The following ARB2A variants were observed in gnomAD, a reference collection of about 807,000 sequenced individuals.
ARB2A encodes the protein cotranscriptional regulator ARB2A.
At chr5:94,070,799 G>A in the ARB2A span, among the ~76,000 whole-genome samples, 2 of 152,034 alleles carry the variant, frequency 1.3e-5, no homozygotes, top group Admixed American at 1.3e-4. Flanking sequence ...TGTATATATG[G>A]CATATAATTC....
chr5:93,920,906 T>A, the ARB2A span, among the ~76,000 whole-genome samples: 5 of 152,074 alleles, frequency 3.3e-5, no homozygotes, highest in Non-Finnish European at 7.4e-5. Flanking sequence ...AAATTGCATA[T>A]CCCAGTAAAA....
chr5:93,903,008 A>AG, the ARB2A span, among the ~76,000 whole-genome samples: 1 of 152,070 alleles, frequency 6.6e-6, no homozygotes, highest in African/African-American at 2.4e-5. Context: ...GCCATTTAGT[A>AG]GGGGTGAATT....
At chr5:93,926,927 G>A in the ARB2A span, among the ~76,000 whole-genome samples, 4 of 151,794 alleles carry the variant, frequency 2.6e-5, no homozygotes, top group Admixed American at 1.3e-4. Context: ...TGAATAGGAT[G>A]TAAGCAAAGA....
At chr5:93,751,541 C>A in the ARB2A span, among the ~76,000 whole-genome samples, 1 of 151,922 alleles carries the variant, frequency 6.6e-6, no homozygotes. Flanking sequence ...TTTTAAGAAA[C>A]ACGAAAAAGT....
chr5:93,803,996 A>G, the ARB2A span, among the ~76,000 whole-genome samples: 1 of 151,992 alleles, frequency 6.6e-6, no homozygotes, highest in African/African-American at 2.4e-5. Flanking sequence ...AAGAAATGGA[A>G]AAGGTTTGTA....
the ARB2A span, among the ~76,000 whole-genome samples, chr5:93,939,669 G>A: frequency 6.6e-6 from 1 of 151,902 alleles, no homozygotes; most frequent in Non-Finnish European, 1.5e-5. Flanking sequence ...CTGTATTACT[G>A]CAGAAATAAA....
At chr5:93,779,704 T>C in the ARB2A span, among the ~76,000 whole-genome samples, 25 of 152,316 alleles carry the variant, frequency 1.6e-4, no homozygotes, top group Admixed American at 5.2e-4. Flanking sequence ...ATGACTAATG[T>C]TTCTCTGGGT....
the ARB2A span, among the ~76,000 whole-genome samples, chr5:93,988,400 A>G: frequency 2.6e-5 from 4 of 152,218 alleles, no homozygotes; most frequent in South Asian, 4.1e-4. Flanking sequence ...GCTTTCTTTT[A>G]TATTCTCAGA....
the ARB2A span, among the ~76,000 whole-genome samples, chr5:94,062,403 A>G: frequency 6.6e-6 from 1 of 152,180 alleles, no homozygotes; most frequent in Non-Finnish European, 1.5e-5. Flanking sequence ...AATTTAATAG[A>G]AAAGTGACAA....
chr5:94,041,582 T>G, the ARB2A span, among the ~76,000 whole-genome samples: 1 of 152,200 alleles, frequency 6.6e-6, no homozygotes, highest in Non-Finnish European at 1.5e-5. Context: ...GTAATGCCTT[T>G]TATTTAGTTC....
the ARB2A span, among the ~76,000 whole-genome samples, chr5:93,883,922 CAT>C: frequency 3.8e-4 from 34 of 90,410 alleles, no homozygotes; most frequent in East Asian, 7.3e-4. Context: ...TACACATACA[CAT>C]ACACACACAC....
At chr5:93,708,801 A>AT in the ARB2A span, among the ~76,000 whole-genome samples, 1 of 152,130 alleles carries the variant, frequency 6.6e-6, no homozygotes, top group Non-Finnish European at 1.5e-5. Context: ...ACATATTTAT[A>AT]CATTTATTCC....
the ARB2A span, among the ~76,000 whole-genome samples, chr5:93,963,083 G>C: frequency 9.4e-4 from 143 of 152,084 alleles, no homozygotes; most frequent in African/African-American, 3.3e-3. Context: ...TTAACCTAAT[G>C]CTCTTTAAAT....
the ARB2A span, among the ~76,000 whole-genome samples, chr5:93,662,068 G>A: frequency 6.6e-5 from 10 of 152,090 alleles, no homozygotes; most frequent in Non-Finnish European, 1.0e-4. Flanking sequence ...TTTCAATGGC[G>A]TTCTAATCAC....
chr5:93,942,236 C>G, the ARB2A span, among the ~76,000 whole-genome samples: 1 of 152,140 alleles, frequency 6.6e-6, no homozygotes, highest in Non-Finnish European at 1.5e-5. Flanking sequence ...TCTTTGCTGG[C>G]ATGGGGCTGG....
the ARB2A span, among the ~76,000 whole-genome samples, chr5:93,994,036 C>G: frequency 6.6e-6 from 1 of 151,954 alleles, no homozygotes; most frequent in African/African-American, 2.4e-5. Context: ...GTGATTTGAT[C>G]AACAAGAACT....
the ARB2A span, among the ~76,000 whole-genome samples, chr5:93,818,135 A>G: frequency 6.6e-6 from 1 of 152,036 alleles, no homozygotes; most frequent in African/African-American, 2.4e-5. Context: ...AAAAAACTAC[A>G]GTGAGATGCC....
chr5:94,012,575 G>A, the ARB2A span, among the ~76,000 whole-genome samples: 1 of 152,192 alleles, frequency 6.6e-6, no homozygotes, highest in Non-Finnish European at 1.5e-5. Context: ...GCACTGTGCT[G>A]ACCAAAGCCA....
chr5:93,967,538 G>T, the ARB2A span, among the ~76,000 whole-genome samples: 8 of 152,024 alleles, frequency 5.3e-5, no homozygotes, highest in Non-Finnish European at 8.8e-5. Flanking sequence ...AAACTGCAAC[G>T]GAGGAACTGC....
Sources: allele counts gnomAD v4.1 joint callset (sites outside exome capture counted in the v4.1 genomes callset), GRCh38; gene constraint gnomAD v4.1.1; transcripts MANE v1.5; gene names NCBI Gene and HGNC (gene_info 2026-07-23, HGNC 2026-07-21).